Variants in LOC128462377 observed in about 807,000 individuals in gnomAD.
chr16:89,382,332 T>C, the LOC128462377 span, among the ~76,000 whole-genome samples: 1 of 151,028 alleles, frequency 6.6e-6, no homozygotes, highest in Non-Finnish European at 1.5e-5. Flanking sequence ...TATATATATA[T>C]ATATTTTTTT....
At chr16:89,382,234 A>C in the LOC128462377 span, among the ~76,000 whole-genome samples, 2 of 152,118 alleles carry the variant, frequency 1.3e-5, no homozygotes, top group East Asian at 3.9e-4. Flanking sequence ...GGCAGGAGTG[A>C]CCCAAGCAAA....
chr16:89,402,123 G>C, the LOC128462377 span, among the ~76,000 whole-genome samples: 275 of 152,254 alleles, frequency 1.8e-3, 2 homozygotes, highest in African/African-American at 5.9e-3. Flanking sequence ...TGGAAATCCT[G>C]ACTTTTCCAT....
chr16:89,336,521 C>CA, the LOC128462377 span, among the ~76,000 whole-genome samples: 1 of 152,216 alleles, frequency 6.6e-6, no homozygotes, highest in Non-Finnish European at 1.5e-5. Flanking sequence ...AGATTTCTCA[C>CA]AATGTCCTCT....
At chr16:89,381,715 A>G in the LOC128462377 span, among the ~76,000 whole-genome samples, 1 of 152,208 alleles carries the variant, frequency 6.6e-6, no homozygotes, top group Non-Finnish European at 1.5e-5. Context: ...TGCTACTCAC[A>G]TTCAGACTGG....
At chr16:89,375,644 G>A in the LOC128462377 span, among the ~76,000 whole-genome samples, 6 of 151,888 alleles carry the variant, frequency 4.0e-5, no homozygotes, top group African/African-American at 1.2e-4. Flanking sequence ...AGTAGAGACA[G>A]GGGTTTCACC....
chr16:89,353,787 A>G, the LOC128462377 span, among the ~76,000 whole-genome samples: 1 of 152,194 alleles, frequency 6.6e-6, no homozygotes, highest in African/African-American at 2.4e-5. Flanking sequence ...AACTGGTCAC[A>G]TATCTTATGG....
the LOC128462377 span, among the ~76,000 whole-genome samples, chr16:89,387,347 C>T: frequency 6.6e-6 from 1 of 152,046 alleles, no homozygotes; most frequent in Non-Finnish European, 1.5e-5. Context: ...AGGCCTCCCA[C>T]TCTGCACCAC....
At chr16:89,385,693 G>A in the LOC128462377 span, among the ~76,000 whole-genome samples, 4,616 of 152,328 alleles carry the variant, frequency 0.03, 223 homozygotes, top group African/African-American at 0.11. Context: ...TTTAGGTACA[G>A]TCCATCACGT....
chr16:89,327,020 T>A, the LOC128462377 span, among the ~76,000 whole-genome samples: 1 of 139,840 alleles, frequency 7.2e-6, no homozygotes, highest in South Asian at 2.3e-4. Flanking sequence ...AATGCAGAGG[T>A]GGGGAATGCA....
At chr16:89,352,899 G>T in the LOC128462377 span, among the ~76,000 whole-genome samples, 39 of 152,020 alleles carry the variant, frequency 2.6e-4, no homozygotes, top group Non-Finnish European at 4.7e-4. Flanking sequence ...TCTACTTCAC[G>T]GCATGTTTAA....
At chr16:89,345,754 GCATGCTGTGCACACCAGGTA>G in the LOC128462377 span, among the ~76,000 whole-genome samples, 8 of 152,126 alleles carry the variant, frequency 5.3e-5, no homozygotes, top group African/African-American at 9.7e-5. Flanking sequence ...CACACCAGGT[GCATGCTGTGCACACCAGGTA>G]CATGCTGTGC....
the LOC128462377 span, among the ~76,000 whole-genome samples, chr16:89,333,609 C>T: frequency 6.6e-6 from 1 of 152,198 alleles, no homozygotes; most frequent in African/African-American, 2.4e-5. Context: ...AGAGTCGGAA[C>T]CCTACAGTGT....
chr16:89,390,695 A>G, the LOC128462377 span, among the ~76,000 whole-genome samples: 2 of 152,168 alleles, frequency 1.3e-5, no homozygotes, highest in African/African-American at 4.8e-5. Context: ...GGAAACAGTG[A>G]GCACACAGCC....
the LOC128462377 span, among the ~76,000 whole-genome samples, chr16:89,406,400 G>A: frequency 7.2e-5 from 11 of 152,300 alleles, no homozygotes; most frequent in East Asian, 1.9e-3. Context: ...ACCAGCCGGC[G>A]CGCTCTGAGA....
the LOC128462377 span, among the ~76,000 whole-genome samples, chr16:89,340,515 T>G: frequency 2.2e-4 from 34 of 152,352 alleles, no homozygotes; most frequent in South Asian, 6.8e-3. Context: ...CTTCAGGCGA[T>G]CCACCTGCCT....
the LOC128462377 span, among the ~76,000 whole-genome samples, chr16:89,327,061 G>A: frequency 6.7e-6 from 1 of 150,172 alleles, no homozygotes; most frequent in Non-Finnish European, 1.5e-5. Flanking sequence ...GGGAAATGCA[G>A]AGGTGGGGAA....
At chr16:89,317,686 C>CCT in the LOC128462377 span, among the ~76,000 whole-genome samples, 1 of 152,236 alleles carries the variant, frequency 6.6e-6, no homozygotes, top group Non-Finnish European at 1.5e-5. Context: ...GCAGACGCCC[C>CCT]CTCGGGCCTC....
chr16:89,378,505 C>T, the LOC128462377 span, among the ~76,000 whole-genome samples: 5 of 152,120 alleles, frequency 3.3e-5, no homozygotes, highest in Admixed American at 2.6e-4. Flanking sequence ...ATAGCAAAAA[C>T]GTAGAGCTTT....
the LOC128462377 span, among the ~76,000 whole-genome samples, chr16:89,374,374 T>C: frequency 3.9e-5 from 6 of 151,960 alleles, no homozygotes; most frequent in Non-Finnish European, 5.9e-5. Flanking sequence ...CACTCACCTG[T>C]TTACATAAAA....
Sources: gnomAD v4.1 joint callset for allele counts (sites outside exome capture counted in the v4.1 genomes callset) on GRCh38, gnomAD v4.1.1 for gene constraint, MANE v1.5 for transcripts.